Variants in NPAS3 observed in about 807,000 individuals in gnomAD.
NPAS3 encodes neuronal PAS domain protein 3.
A neutral mutation model predicts 73.1 loss-of-function variants in NPAS3; 14 were observed. The observed-to-expected ratio is 0.19, with a 90% CI of 0.13 to 0.30. The LOEUF is 0.30. Among genes scored for constraint, NPAS3 ranks in the 10% least tolerant of loss-of-function variants. The probability of loss-of-function intolerance (pLI) is 1.00; values close to 1 mark genes in which losing one functional copy is unlikely to be tolerated. For missense variants in NPAS3, 1,096 were observed against 1,250.0 expected, an observed-to-expected ratio of 0.88 and a Z score of 1.86; for synonymous variants, 620 against 541.5, an observed-to-expected ratio of 1.14 and a Z score of -2.01.
chr14:33,218,622 A>G (rs988305606), intron 3 of NPAS3, among the ~76,000 whole-genome samples: 1 of 152,234 alleles, frequency 6.6e-6, no homozygotes, highest in South Asian at 2.1e-4. Flanking sequence ...TGCTTCTCCA[A>G]GCAATCTCTT....
chr14:33,574,953 G>A (rs2056374854), intron 5 of NPAS3, among the ~76,000 whole-genome samples: 1 of 135,018 alleles, frequency 7.4e-6, no homozygotes, highest in Non-Finnish European at 1.6e-5. Context: ...GGTCAACCTT[G>A]GTCCATGCAC....
intron 9 of NPAS3, among the ~76,000 whole-genome samples, chr14:33,791,048 G>A (rs774164774): frequency 8.5e-5 from 13 of 152,292 alleles, no homozygotes; most frequent in Middle Eastern, 3.4e-3. Context: ...TCCCACTGGC[G>A]CTTGGGGGTC....
chr14:33,281,357 A>T (rs12892910), intron 3 of NPAS3, among the ~76,000 whole-genome samples: 37,791 of 152,146 alleles, frequency 0.25, 5,011 homozygotes, highest in African/African-American at 0.33. Flanking sequence ...CAGGCTGGGC[A>T]TGGTGGCTCA....
chr14:33,636,830 G>T (rs1283893649), intron 5 of NPAS3, among the ~76,000 whole-genome samples: 3 of 151,930 alleles, frequency 2.0e-5, no homozygotes, highest in Non-Finnish European at 2.9e-5. Context: ...AAATCTTGTT[G>T]TCAGGAAATT....
intron 1 of NPAS3, among the ~76,000 whole-genome samples, chr14:33,034,950 C>A (rs2040115346): frequency 6.6e-6 from 1 of 152,160 alleles, no homozygotes; most frequent in South Asian, 2.1e-4. Context: ...CTTTTAAGAT[C>A]ATCTGTCAGT....
intron 2 of NPAS3, among the ~76,000 whole-genome samples, chr14:33,154,422 G>A (rs981316964): frequency 6.6e-6 from 1 of 152,156 alleles, no homozygotes; most frequent in South Asian, 2.1e-4. Flanking sequence ...TTTAATGGTC[G>A]GAAGCTGCGC....
intron 3 of NPAS3, among the ~76,000 whole-genome samples, chr14:33,226,934 G>A (rs539711570): frequency 6.6e-6 from 1 of 152,182 alleles, no homozygotes; most frequent in East Asian, 1.9e-4. Context: ...TAAAATATTG[G>A]CTTTCTTCTA....
At chr14:33,465,364 G>A (rs749746460) in intron 4 of NPAS3, among the ~76,000 whole-genome samples, 7 of 152,134 alleles carry the variant, frequency 4.6e-5, no homozygotes, top group Non-Finnish European at 8.8e-5. Flanking sequence ...TGCATTCTCA[G>A]AGTAAAAAAG....
At chr14:33,183,669 G>A (rs978848780) in intron 2 of NPAS3, among the ~76,000 whole-genome samples, 1 of 151,786 alleles carries the variant, frequency 6.6e-6, no homozygotes, top group African/African-American at 2.4e-5. Context: ...CCTTGTAATT[G>A]TAGTCTTCAT....
intron 4 of NPAS3, among the ~76,000 whole-genome samples, chr14:33,494,628 C>T (rs538017102): frequency 4.9e-4 from 75 of 152,200 alleles, no homozygotes; most frequent in South Asian, 1.2e-3. Context: ...TGTAAAGTTT[C>T]AAAGGTCAGA....
intron 5 of NPAS3, among the ~76,000 whole-genome samples, chr14:33,622,922 G>C (rs2058118589): frequency 6.6e-6 from 1 of 152,156 alleles, no homozygotes; most frequent in Non-Finnish European, 1.5e-5. Context: ...AGATACAAAG[G>C]AGGGCTTGGA....
chr14:33,203,772 G>T (rs184878091), intron 2 of NPAS3, among the ~76,000 whole-genome samples: 1 of 152,096 alleles, frequency 6.6e-6, no homozygotes, highest in African/African-American at 2.4e-5. Context: ...GAATAATGCC[G>T]CAATAAACAT....
intron 4 of NPAS3, among the ~76,000 whole-genome samples, chr14:33,479,543 G>A (rs757614927): frequency 3.3e-5 from 5 of 152,174 alleles, no homozygotes; most frequent in Non-Finnish European, 5.9e-5. Context: ...TTCTGTTTGT[G>A]TGCTGTTAAG....
intron 4 of NPAS3, among the ~76,000 whole-genome samples, chr14:33,473,595 T>C (rs2050886035): frequency 6.6e-6 from 1 of 152,198 alleles, no homozygotes. Context: ...AAGGAGTTAA[T>C]AATCTGCTGA....
chr14:33,425,860 A>G (rs2048535105), intron 4 of NPAS3, among the ~76,000 whole-genome samples: 1 of 152,096 alleles, frequency 6.6e-6, no homozygotes, highest in Non-Finnish European at 1.5e-5. Context: ...ACCTCACGGG[A>G]ACTTGTTAGA....
At chr14:33,777,702 C>A (rs1268589895) in intron 8 of NPAS3, among the ~76,000 whole-genome samples, 1 of 152,162 alleles carries the variant, frequency 6.6e-6, no homozygotes, top group African/African-American at 2.4e-5. Flanking sequence ...CAGGCGGATT[C>A]CCCCAACACG....
intron 3 of NPAS3, among the ~76,000 whole-genome samples, chr14:33,233,059 GAACT>G (rs1436250578): frequency 6.6e-6 from 1 of 152,234 alleles, no homozygotes; most frequent in Non-Finnish European, 1.5e-5. Flanking sequence ...CAGAGAACTA[GAACT>G]AATAACCTTT....
At chr14:33,013,289 C>T (rs2039277843) in intron 1 of NPAS3, among the ~76,000 whole-genome samples, 1 of 152,112 alleles carries the variant, frequency 6.6e-6, no homozygotes, top group South Asian at 2.1e-4. Flanking sequence ...AAAAGGTTTA[C>T]AGCAGATTCT....
intron 4 of NPAS3, among the ~76,000 whole-genome samples, chr14:33,553,991 G>A (rs767644405): frequency 1.3e-5 from 2 of 152,162 alleles, no homozygotes; most frequent in Non-Finnish European, 2.9e-5. Flanking sequence ...CAGTGTGATT[G>A]TATCAAAAGG....
Sources: allele counts gnomAD v4.1 joint callset (sites outside exome capture counted in the v4.1 genomes callset), GRCh38; gene constraint gnomAD v4.1.1; transcripts MANE v1.5; gene names NCBI Gene and HGNC (gene_info 2026-07-23, HGNC 2026-07-21).